Variants in PITPNM3 observed in about 807,000 individuals in gnomAD.
The protein encoded by PITPNM3 is membrane-associated phosphatidylinositol transfer protein 3.
In PITPNM3, 26 loss-of-function variants were observed where a neutral mutation model predicts 102.0. That is an observed-to-expected ratio of 0.25 (90% CI 0.19 to 0.35). The LOEUF is 0.35. Ranked by LOEUF, PITPNM3 falls within the 10% of genes least tolerant of loss-of-function variation. The pLI, the probability that PITPNM3 is intolerant of heterozygous loss-of-function variation, is 1.00. For missense variants in PITPNM3, 1,083 were observed against 1,346.1 expected (o/e 0.80, Z 3.06); for synonymous variants, 578 against 558.6 (o/e 1.03, Z -0.49).
chr17:6,471,345 T>G lies in PITPNM3; in HGVS notation c.1440A>C (p.Leu480=). 1 of 1,596,694 alleles carries G rather than the reference T, an allele frequency of 6.3e-7. No individual in the cohort carries two copies. Among genetic ancestry groups the G allele is most frequent in the African/African-American group, 1.3e-5 (1 of 74,832 alleles). Reference sequence around the variant, plus strand: ...CCAGGAAGAGGGGGCTGTGGGTGTGTAGGGCATCAGCTGGAGGGGGAATTT... The same window carrying G: ...CCAGGAAGAGGGGGCTGTGGGTGTGGAGGGCATCAGCTGGAGGGGGAATTT... ...DGQSLLLADA[L]HTHSPLFLEG... The change falls in exon 12 of 20, where the codon CTA becomes CTC. Residue 480 remains leucine (L), a synonymous_variant. Coordinates refer to ENST00000262483, the MANE Select transcript of PITPNM3 (RefSeq NM_031220.4).
chr17:6,463,956 G>T (rs1904630418), intron 16 of PITPNM3, 75 bp from the exon 17 acceptor site: 1 of 1,589,186 alleles, frequency 6.3e-7, no homozygotes, highest in African/African-American at 1.3e-5. Flanking sequence ...TCAGCCTGTA[G>T]CTGCAGTCAG....
chr17:6,538,445 T>C (rs1909562024), intron 1 of PITPNM3, among the ~76,000 whole-genome samples: 1 of 152,174 alleles, frequency 6.6e-6, no homozygotes, highest in African/African-American at 2.4e-5. Flanking sequence ...CAATGGTTCA[T>C]TTCTCACTCA....
At chr17:6,552,814 T>G (rs1283707526) in intron 1 of PITPNM3, among the ~76,000 whole-genome samples, 1 of 144,062 alleles carries the variant, frequency 6.9e-6, no homozygotes, top group Non-Finnish European at 1.5e-5. Context: ...TAGCCCAGGC[T>G]GGAGTGCAAC....
At chr17:6,500,488 T>C (rs1907103808) in intron 4 of PITPNM3, among the ~76,000 whole-genome samples, 1 of 152,178 alleles carries the variant, frequency 6.6e-6, no homozygotes, top group Non-Finnish European at 1.5e-5. Context: ...TGTAGAATTA[T>C]GTGAAAAGGA....
Position 6,471,255 on chromosome 17 carries a change from C to T in PITPNM3, c.1530G>A (p.Arg510=). Reference sequence around the variant, plus strand: ...TCATCCTCCGTCCTGGGCGCTGGAACCTCGAGGCCTGAGGGGGCGAGGCAG... The same window carrying T: ...TCATCCTCCGTCCTGGGCGCTGGAATCTCGAGGCCTGAGGGGGCGAGGCAG... ...DAPASPPQAS[R]FQRPGRRMSE... Residue 510 remains arginine, a synonymous_variant, in exon 12 of 20, where the codon AGG becomes AGA. Transcript: ENST00000262483. 1 of 1,613,450 alleles carries T rather than the reference C, an allele frequency of 6.2e-7. No individual in the cohort carries two copies. Among genetic ancestry groups the T allele is most frequent in the Non-Finnish European group, 8.5e-7 (1 of 1,179,956 alleles).
intron 4 of PITPNM3, among the ~76,000 whole-genome samples, chr17:6,489,121 T>A (rs1906273406): frequency 6.6e-6 from 1 of 152,152 alleles, no homozygotes; most frequent in Non-Finnish European, 1.5e-5. Context: ...TAATTACCAA[T>A]GCGCCACACT....
At chr17:6,506,420 G>A (rs989538666) in intron 3 of PITPNM3, among the ~76,000 whole-genome samples, 1 of 148,876 alleles carries the variant, frequency 6.7e-6, no homozygotes, top group Non-Finnish European at 1.5e-5. Flanking sequence ...TCACCAGGCT[G>A]GAGTGCAATG....
chr17:6,453,605 G>A lies in PITPNM3; in HGVS notation c.*1733C>T, dbSNP rs562178969. On this transcript the variant is annotated 3_prime_UTR_variant, in exon 20 of 20. Transcript: ENST00000262483. ...ACTGAAGACACATTTCTAGTGGGGA[G>A]AGCAGGGATGGGGGTTAGGAGCCCA... 1.3e-5 allele frequency: 2 copies of A among 152,524 alleles called. No homozygotes were observed. Among genetic ancestry groups the A allele is most frequent in the East Asian group, 3.9e-4 (2 of 5,184 alleles). The allele number at this position is 152,524 out of a possible 1,614,324, so 9.4% of individuals were successfully genotyped here.
intron 1 of PITPNM3, among the ~76,000 whole-genome samples, chr17:6,550,428 G>A (rs948800826): frequency 3.9e-5 from 6 of 152,154 alleles, no homozygotes; most frequent in African/African-American, 9.7e-5. Context: ...GCGAACTCCC[G>A]ATCCTAGGAT....
intron 3 of PITPNM3, among the ~76,000 whole-genome samples, chr17:6,515,476 A>G (rs1052303235): frequency 6.6e-6 from 1 of 152,102 alleles, no homozygotes; most frequent in Non-Finnish European, 1.5e-5. Context: ...GCATCCCTTC[A>G]TGAATATACT....
chr17:6,552,137 AC>A (rs1910344864), intron 1 of PITPNM3, among the ~76,000 whole-genome samples: 3 of 151,968 alleles, frequency 2.0e-5, no homozygotes, highest in East Asian at 1.9e-4. Flanking sequence ...TGCCAGCTAC[AC>A]CCCTCAGAGC....
chr17:6,457,449 G>C lies in PITPNM3; in HGVS notation c.2619+145C>G. On this transcript the variant is annotated intron_variant, in intron 19 of 19. Coordinates refer to ENST00000262483, the MANE Select transcript of PITPNM3 (RefSeq NM_031220.4). This position sits in a 1 kb window ranked among gnomAD's most constrained non-coding sequence, Gnocchi z 4.7. ...CAACACAGGCCCTGGCCCAAGGCAGGCACCCCGAAGTGTTTGTTGAATAAA... is the reference window on the plus strand; with the variant it reads ...CAACACAGGCCCTGGCCCAAGGCAGCCACCCCGAAGTGTTTGTTGAATAAA... The C allele has an allele frequency of 3.7e-6, 5 of 1,356,758 alleles. No homozygotes were observed. The highest frequency in any genetic ancestry group is 5.0e-6 in the Non-Finnish European group (5 of 996,038). 84.0% of individuals were successfully genotyped at this position (1,356,758 alleles called of 1,614,324 possible). A position where few individuals can be genotyped will look rare whatever the true frequency, so the allele number is the denominator to read the frequency against.
rs1176426664 is a variant in PITPNM3, at chr17:6,556,340, C to G, written c.22+45G>C. The G allele has an allele frequency of 5.0e-6, 7 of 1,394,942 alleles. No homozygotes were observed. The highest frequency in any genetic ancestry group is 6.6e-6 in the Non-Finnish European group (7 of 1,067,860). The allele number at this position is 1,394,942 out of a possible 1,614,324, so 86.4% of individuals were successfully genotyped here. A position where few individuals can be genotyped will look rare whatever the true frequency, so the allele number is the denominator to read the frequency against. On this transcript the variant is annotated intron_variant, in intron 1 of 19. Coordinates refer to ENST00000262483, the MANE Select transcript of PITPNM3 (RefSeq NM_031220.4). The surrounding 1 kb of genome is among the most constrained non-coding windows in gnomAD (Gnocchi z 5.2). ...CGGCCCCTCCTCTAGACGCGCGAGTCCCTCCCCCGGGCCCCGGCCCTGCCC... is the reference window on the plus strand; with the variant it reads ...CGGCCCCTCCTCTAGACGCGCGAGTGCCTCCCCCGGGCCCCGGCCCTGCCC...
At chr17:6,481,868 AG>A (rs1464410499) in intron 6 of PITPNM3, 1 of 85,996 alleles carries the variant, frequency 1.2e-5, no homozygotes, top group Non-Finnish European at 2.6e-5. Context: ...AGAGAGAGAG[AG>A]AGAGAGAGAG....
chr17:6,503,489 G>A (rs761152099), intron 4 of PITPNM3, 38 bp downstream of exon 4: 3 of 1,607,486 alleles, frequency 1.9e-6, no homozygotes, highest in Admixed American at 3.3e-5. Flanking sequence ...ACCCATCCAA[G>A]GGGAAGAAAT....
At chr17:6,493,878 C>T (rs1040460226) in intron 4 of PITPNM3, among the ~76,000 whole-genome samples, 3 of 152,228 alleles carry the variant, frequency 2.0e-5, no homozygotes, top group Non-Finnish European at 2.9e-5. Context: ...GAACAGTTCT[C>T]ATGGGGGATC....
intron 3 of PITPNM3, among the ~76,000 whole-genome samples, chr17:6,508,240 A>C (rs747129802): frequency 1.2e-4 from 18 of 152,218 alleles, no homozygotes; most frequent in Non-Finnish European, 1.9e-4. Context: ...GACTCCTCAA[A>C]GCCAGCCCTG....
chr17:6,496,585 C>A (rs1318726126), intron 4 of PITPNM3, among the ~76,000 whole-genome samples: 2 of 152,272 alleles, frequency 1.3e-5, no homozygotes, highest in African/African-American at 4.8e-5. Flanking sequence ...TCACGCTTTT[C>A]ATTTTATGAC....
In PITPNM3 at chr17:6,455,554, C is replaced by G. The variant is rs1204589998; in HGVS notation, c.2709G>C (p.Leu903=). Residue 903 remains leucine (L), a synonymous_variant, in exon 20 of 20, where the codon CTG becomes CTC. Coordinates refer to ENST00000262483, the MANE Select transcript of PITPNM3 (RefSeq NM_031220.4). ...RPKKNNSRMI[L]RKGSFGLHAQ... is the part of the protein sequence containing the mutation. The stretch of plus-strand genomic sequence containing the variant: ...CGTGCAGCCCGAAGCTGCCCTTGCG[C>G]AGGATCATGCGCGAGTTGTTCTTCT... The G allele has an allele frequency of 6.2e-7, 1 of 1,603,100 alleles. No homozygotes were observed. The highest frequency in any genetic ancestry group is 8.5e-7 in the Non-Finnish European group (1 of 1,179,370).
Sources: allele counts gnomAD v4.1 joint callset (sites outside exome capture counted in the v4.1 genomes callset), GRCh38; gene constraint gnomAD v4.1.1; non-coding constraint Gnocchi (gnomAD v3.1); transcripts MANE v1.5; gene names NCBI Gene and HGNC (gene_info 2026-07-23, HGNC 2026-07-21).